Variants in DST observed in about 807,000 individuals in gnomAD.
DST encodes bullous pemphigoid antigen.
In DST, 253 loss-of-function variants were observed where a neutral mutation model predicts 875.2. The observed-to-expected ratio is 0.29, with a 90% CI of 0.26 to 0.32. The LOEUF is 0.32. Among genes scored for constraint, DST ranks in the 10% least tolerant of loss-of-function variants. The pLI is 1.00. For synonymous variants in DST, 3,124 were observed against 3,197.1 expected, an observed-to-expected ratio of 0.98 and a Z score of 0.77; for missense variants, 8,287 against 9,111.6, an observed-to-expected ratio of 0.91 and a Z score of 3.68.
chr6:56,615,817 T>C (rs1205291066), intron 36 of DST: 1 of 1,614,128 alleles, frequency 6.2e-7, no homozygotes, highest in Admixed American at 1.7e-5. Flanking sequence ...GGATTCCCAT[T>C]TCCTTATTTA....
rs181855017 is a variant in DST at position 56,639,705 on chromosome 6, T to C, written c.2688A>G (p.Ala896=). 8 of 1,613,870 alleles carry C rather than the reference T, an allele frequency of 5.0e-6. No individual in the cohort carries two copies. In the Admixed American group the frequency reaches 1.0e-4, roughly 20 times the overall value. The change falls in exon 20 of 104, where the codon GCA becomes GCG. Residue 896 remains alanine (A), a synonymous_variant. Coordinates refer to ENST00000680361, the MANE Select transcript of DST (RefSeq NM_001374736.1). ...EKLHRLESQY[A]KLLNTSRNQE... The stretch of plus-strand genomic sequence containing the variant: ...AAAAAAAAAAACTTACCAAGAGTTT[T>C]GCATACTGACTCTCTAATCTGTGCA...
chr6:56,739,901 A>T (rs2099540310), intron 4 of DST, among the ~76,000 whole-genome samples: 1 of 152,178 alleles, frequency 6.6e-6, no homozygotes, highest in South Asian at 2.1e-4. Context: ...CAGGGCTGCT[A>T]TGTCTATGGA....
At chr6:56,474,835 T>C (rs905457197) in intron 92 of DST, among the ~76,000 whole-genome samples, 10 of 152,012 alleles carry the variant, frequency 6.6e-5, no homozygotes, top group Non-Finnish European at 1.2e-4. Context: ...GGCATGTGCC[T>C]GTAGTCCCAG....
intron 4 of DST, among the ~76,000 whole-genome samples, chr6:56,835,140 T>C (rs913603192): frequency 2.0e-5 from 3 of 152,076 alleles, no homozygotes; most frequent in Non-Finnish European, 4.4e-5. Flanking sequence ...TGTAAAAACA[T>C]AAAATATAGA....
At chr6:56,544,528 GCACT>G (rs2097190970) in intron 61 of DST, among the ~76,000 whole-genome samples, 2 of 152,142 alleles carry the variant, frequency 1.3e-5, no homozygotes, top group African/African-American at 4.8e-5. Context: ...CAAAAAAATA[GCACT>G]CACTGTCTGC....
At chr6:56,465,594 G>A (rs1268817804) in intron 99 of DST, among the ~76,000 whole-genome samples, 2 of 152,054 alleles carry the variant, frequency 1.3e-5, no homozygotes. Flanking sequence ...ACTTCAAAGA[G>A]TCAAGTTAGC....
intron 2 of DST, among the ~76,000 whole-genome samples, chr6:56,941,738 C>A (rs550306446): frequency 6.6e-6 from 1 of 152,292 alleles, no homozygotes; most frequent in East Asian, 1.9e-4. Flanking sequence ...ACCTCGGCCT[C>A]CCAAAGTGTT....
chr6:56,788,501 C>A (rs1348518731), intron 4 of DST, among the ~76,000 whole-genome samples: 1 of 152,092 alleles, frequency 6.6e-6, no homozygotes, highest in African/African-American at 2.4e-5. Flanking sequence ...TGTTCTTTAT[C>A]ATCAGGTACT....
intron 4 of DST, among the ~76,000 whole-genome samples, chr6:56,819,894 A>T (rs1591125722): frequency 6.6e-6 from 1 of 152,350 alleles, no homozygotes; most frequent in East Asian, 1.9e-4. Flanking sequence ...TTATATAAGC[A>T]TTCATATATT....
chr6:56,591,360 G>A (rs2098269234), intron 49 of DST, among the ~76,000 whole-genome samples: 1 of 152,186 alleles, frequency 6.6e-6, no homozygotes, highest in Non-Finnish European at 1.5e-5. Context: ...AAGATATTCA[G>A]TAAGAACCCT....
chr6:56,906,843 C>T (rs1465227248), intron 2 of DST, among the ~76,000 whole-genome samples: 2 of 152,114 alleles, frequency 1.3e-5, no homozygotes, highest in Non-Finnish European at 2.9e-5. Flanking sequence ...ATAATGTAGC[C>T]GCTTCATTTC....
At chr6:56,642,810 C>T in intron 15 of DST, 1 of 1,613,378 alleles carries the variant, frequency 6.2e-7, no homozygotes. Flanking sequence ...AAACGATGTT[C>T]TTTCTTTCAC....
At chr6:56,649,967 C>A (rs943183027) in intron 12 of DST, among the ~76,000 whole-genome samples, 3 of 151,954 alleles carry the variant, frequency 2.0e-5, no homozygotes, top group African/African-American at 4.8e-5. Context: ...CAAGAGATGG[C>A]CAAAGAAACA....
chr6:56,619,357 A>T, intron 36 of DST: 1 of 1,613,566 alleles, frequency 6.2e-7, no homozygotes, highest in East Asian at 2.2e-5. Flanking sequence ...CCAATTCTTC[A>T]TTGAGCCTTT....
At chr6:56,690,337 T>C (rs1028026699) in intron 9 of DST, among the ~76,000 whole-genome samples, 3 of 152,186 alleles carry the variant, frequency 2.0e-5, no homozygotes, top group African/African-American at 4.8e-5. Flanking sequence ...AAATCTAATA[T>C]ACTCCTTTTT....
rs2094871747 is a variant in DST at position 56,471,125 on chromosome 6, A to T, written c.22302T>A (p.Ile7434=). The change falls in exon 95 of 104, where the codon ATT becomes ATA. Residue 7434 remains isoleucine, a synonymous_variant. Transcript: ENST00000680361. ...ACTTACTTGAGGAAAGAATTCCATC[A>T]ATAAATTCCTGCCGCGTTATTTTCC... is the stretch of plus-strand genomic sequence containing the variant. ...QDGKITRQEF[I]DGILSSKFPT... 6.2e-7 allele frequency: 1 copy of T among 1,611,820 alleles called. No individual in the cohort carries two copies. Among genetic ancestry groups the T allele is most frequent in the East Asian group, 2.2e-5 (1 of 44,830 alleles).
chr6:56,891,565 CA>C (rs531964301), intron 3 of DST, among the ~76,000 whole-genome samples: 1,617 of 62,694 alleles, frequency 0.026, 23 homozygotes, highest in African/African-American at 0.081. Context: ...GACTCCGTCT[CA>C]AAAAAAAAAA....
chr6:56,588,074 A>G (rs915952529), intron 49 of DST, among the ~76,000 whole-genome samples: 13 of 152,192 alleles, frequency 8.5e-5, no homozygotes, highest in African/African-American at 3.1e-4. Flanking sequence ...TTAACTTTAA[A>G]TGTAAATGGA....
Position 56,605,031 on chromosome 6 carries a change from T to G in DST, c.9597A>C (p.Pro3199=). ...KNIKAKDVAK[P]NEDVPSHVLI... is the part of the protein sequence containing the mutation. ...AAACATGGCTTGGGACATCTTCATT[T>G]GGTTTGGCTACATCTTTTGCTTTTA... Residue 3199 remains proline, a synonymous_variant, in exon 40 of 104, where the codon CCA becomes CCC. Transcript: ENST00000680361. The G allele has an allele frequency of 6.2e-7, 1 of 1,612,950 alleles. No individual in the cohort carries two copies. Among genetic ancestry groups the G allele is most frequent in the South Asian group, 1.1e-5 (1 of 91,050 alleles).
Sources: allele counts gnomAD v4.1 joint callset (sites outside exome capture counted in the v4.1 genomes callset), GRCh38; gene constraint gnomAD v4.1.1; transcripts MANE v1.5; gene names NCBI Gene and HGNC (gene_info 2026-07-23, HGNC 2026-07-21).